USP14: variants seen among roughly 807,000 people sequenced by gnomAD.
USP14 encodes ubiquitin carboxyl-terminal hydrolase 14.
Under a neutral mutation model 76.5 loss-of-function variants are expected in USP14, and 38 were observed. That is an observed-to-expected ratio of 0.50 (90% CI 0.38 to 0.65). The LOEUF (loss-of-function observed/expected upper bound fraction) is 0.65, where lower values mean the gene tolerates loss of function less well. Ranked by LOEUF, USP14 falls within the 30% of genes least tolerant of loss-of-function variation. The pLI is 0.00. For missense variants in USP14, 467 were observed against 586.5 expected, an observed-to-expected ratio of 0.80 and a Z score of 2.10; for synonymous variants, 192 against 191.7, an observed-to-expected ratio of 1.00 and a Z score of -0.01.
intron 6 of USP14, among the ~76,000 whole-genome samples, chr18:196,097 C>T (rs1213033281): frequency 7.9e-5 from 12 of 151,756 alleles, no homozygotes; most frequent in African/African-American, 2.9e-4. Flanking sequence ...CCGAGGCTGG[C>T]GGATCACAAG....
intron 3 of USP14, among the ~76,000 whole-genome samples, chr18:170,611 T>TTTA (rs1228321384): frequency 2.6e-5 from 4 of 152,254 alleles, no homozygotes; most frequent in Admixed American, 2.6e-4. Context: ...ATGGAGTAAG[T>TTTA]TTAAGTGGTG....
intron 1 of USP14, among the ~76,000 whole-genome samples, chr18:159,350 C>A (rs1449832728): frequency 6.6e-6 from 1 of 152,166 alleles, no homozygotes; most frequent in Non-Finnish European, 1.5e-5. Context: ...ACACATATCC[C>A]CGGGGTGTCA....
At chr18:171,029 T>A (rs971639406) in intron 3 of USP14, among the ~76,000 whole-genome samples, 695 of 63,520 alleles carry the variant, frequency 0.011, 4 homozygotes, top group African/African-American at 0.042. Flanking sequence ...AAAAAAAATA[T>A]ATATATATAT....
At chr18:185,441 C>T (rs574801647) in intron 5 of USP14, among the ~76,000 whole-genome samples, 11 of 152,268 alleles carry the variant, frequency 7.2e-5, no homozygotes, top group Admixed American at 2.0e-4. Flanking sequence ...AGGTGTGAGC[C>T]ACTGTGCCTG....
chr18:204,476 T>G (rs1910471386), intron 12 of USP14, 88 bp from the exon 13 acceptor site: 2 of 1,153,822 alleles, frequency 1.7e-6, no homozygotes, highest in African/African-American at 3.2e-5. Context: ...GTATCTGAAT[T>G]ATGAAAGCAT....
At chr18:179,072 A>C in intron 4 of USP14, 35 bp downstream of exon 4, 1 of 1,483,982 alleles carries the variant, frequency 6.7e-7, no homozygotes, top group South Asian at 1.2e-5. Flanking sequence ...TTTGATCACT[A>C]CTTTTTGAAG....
chr18:205,040 A>AT (rs977690107), intron 13 of USP14, among the ~76,000 whole-genome samples: 6 of 151,560 alleles, frequency 4.0e-5, no homozygotes, highest in Non-Finnish European at 7.4e-5. Flanking sequence ...ATGCCCAGCT[A>AT]TTTTTTTGTA....
chr18:203,343 C>T (rs752835633), intron 12 of USP14, among the ~76,000 whole-genome samples, 153 bp downstream of exon 12: 7 of 152,004 alleles, frequency 4.6e-5, no homozygotes, highest in Non-Finnish European at 7.4e-5. Context: ...TAACTCAGAA[C>T]GTATATTAGA....
At chr18:187,598 A>G (rs1001552388) in intron 5 of USP14, among the ~76,000 whole-genome samples, 13 of 152,240 alleles carry the variant, frequency 8.5e-5, no homozygotes, top group African/African-American at 3.1e-4. Context: ...TTTGACTTTC[A>G]GTAAGATGGA....
intron 3 of USP14, among the ~76,000 whole-genome samples, chr18:167,718 G>A (rs193166008): frequency 1.3e-5 from 2 of 152,018 alleles, no homozygotes; most frequent in African/African-American, 4.8e-5. Flanking sequence ...GTGTCACTAT[G>A]TTGCCCAGGC....
At chr18:177,346 C>T (rs1909654099) in intron 3 of USP14, among the ~76,000 whole-genome samples, 1 of 149,730 alleles carries the variant, frequency 6.7e-6, no homozygotes, top group Non-Finnish European at 1.5e-5. Context: ...CACTTGAGGC[C>T]AGAAGTGTGA....
chr18:210,463 C>A lies in USP14; in HGVS notation c.1303C>A (p.His435Asn). 6.2e-7 allele frequency: 1 copy of A among 1,610,416 alleles called. No homozygotes were observed. The highest frequency in any genetic ancestry group is 1.1e-5 in the South Asian group (1 of 90,392). ...CCAGGGAAGGTCTAGTTCTTCAGGTCATTATGTATCATGGGTGAAAAGGAA... is the reference window on the plus strand; with the variant it reads ...CCAGGGAAGGTCTAGTTCTTCAGGTAATTATGTATCATGGGTGAAAAGGAA... The part of the protein sequence containing the change: ...THQGRSSSSG[H>N]YVSWVKRKQD... Residue 435 changes from histidine (H) to asparagine (N), a missense_variant, in exon 15 of 16, where the codon CAT becomes AAT. His to Asn is a moderately conservative substitution (Grantham distance 68). Coordinates refer to ENST00000261601, the MANE Select transcript of USP14 (RefSeq NM_005151.4).
At chr18:171,268 AAGCCTTTC>A (rs1568416901) in intron 3 of USP14, among the ~76,000 whole-genome samples, 17 of 151,962 alleles carry the variant, frequency 1.1e-4, no homozygotes. Flanking sequence ...GATGCTGTCT[AAGCCTTTC>A]ATAGCTAGAG....
chr18:202,858 C>G (rs1435199356), intron 10 of USP14, 22 bp from the exon 11 acceptor site: 9 of 1,612,986 alleles, frequency 5.6e-6, no homozygotes, highest in African/African-American at 1.3e-5. Flanking sequence ...AATGTTTGGT[C>G]TTCTGTTATG....
intron 5 of USP14, among the ~76,000 whole-genome samples, chr18:190,320 A>G (rs1368848493): frequency 6.6e-6 from 1 of 152,128 alleles, no homozygotes; most frequent in African/African-American, 2.4e-5. Context: ...CATATGCACA[A>G]AATATATATG....
At chr18:209,808 C>A (rs1319254223) in intron 13 of USP14, among the ~76,000 whole-genome samples, 163 bp from the exon 14 acceptor site, 1 of 152,152 alleles carries the variant, frequency 6.6e-6, no homozygotes, top group Non-Finnish European at 1.5e-5. Context: ...GCTGGGTTTA[C>A]AGTTTTAACT....
At chr18:179,112 A>G in intron 4 of USP14, 75 bp downstream of exon 4, 1 of 1,014,928 alleles carries the variant, frequency 9.9e-7, no homozygotes, top group Non-Finnish European at 1.5e-6. Flanking sequence ...TTCAGAAAGT[A>G]GCATCTGAAT....
rs927675856 is a variant in USP14 at position 212,169 on chromosome 18, A to G, written c.*885A>G. ...TGCTGTTAAGCATCCATTTAAAAAT[A>G]TTTGTTATCTTCTTTGCCTGCCTGT... is the stretch of plus-strand genomic sequence containing the variant. On this transcript the variant is annotated 3_prime_UTR_variant, in exon 16 of 16. Coordinates refer to ENST00000261601, the MANE Select transcript of USP14 (RefSeq NM_005151.4). 5.3e-5 allele frequency: 8 copies of G among 152,114 alleles called. No homozygotes were observed. The highest frequency in any genetic ancestry group is 1.9e-4 in the African/African-American group (8 of 41,440). The allele number at this position is 152,114 out of a possible 1,614,324, so 9.4% of individuals were successfully genotyped here. A position where few individuals can be genotyped will look rare whatever the true frequency, so the allele number is the denominator to read the frequency against.
intron 6 of USP14, 49 bp from the exon 7 acceptor site, chr18:196,588 A>G: frequency 1.3e-6 from 2 of 1,561,832 alleles, no homozygotes; most frequent in Non-Finnish European, 8.7e-7. Flanking sequence ...AGTCGCGTGT[A>G]TTAAATATGT....
Sources: gnomAD v4.1 joint callset for allele counts (sites outside exome capture counted in the v4.1 genomes callset) on GRCh38, gnomAD v4.1.1 for gene constraint, MANE v1.5 for transcripts, NCBI Gene and HGNC (gene_info 2026-07-23, HGNC 2026-07-21) for gene names.